The following STXBP4 variants were observed in gnomAD, a reference collection of about 807,000 sequenced individuals.
STXBP4 encodes syntaxin binding protein 4.
STXBP4 carries 55 observed loss-of-function variants against 76.1 expected under a neutral mutation model. The observed-to-expected ratio is 0.72, with a 90% CI of 0.58 to 0.91. The LOEUF is 0.91. Ranked by LOEUF, STXBP4 falls within the 40% of genes least tolerant of loss-of-function variation. STXBP4 has a pLI of 0.00. For missense variants in STXBP4, 618 were observed against 636.9 expected (o/e 0.97, Z 0.32); for synonymous variants, 201 against 220.2 (o/e 0.91, Z 0.77).
chr17:55,107,637 C>G (rs918928217), intron 16 of STXBP4, among the ~76,000 whole-genome samples: 1 of 152,174 alleles, frequency 6.6e-6, no homozygotes, highest in Non-Finnish European at 1.5e-5. Context: ...TGATGCTATT[C>G]CTTTCTGTTC....
At position 55,060,654 on chromosome 17, in the gene STXBP4, T is replaced by C. The variant is rs555601196; in HGVS notation, c.1012-12246T>C. ...TACCTACTCACTGTTTTGAAAAGAA[T>C]TGGCTGTACTGTTCTCTAAAACTCA... On this transcript the variant is annotated intron_variant, in intron 12 of 17. Coordinates refer to ENST00000376352, the MANE Select transcript of STXBP4 (RefSeq NM_178509.6). Among the ~76,000 whole-genome samples the C allele has an allele frequency of 4.6e-5, 7 of 152,314 alleles. No individual in the cohort carries two copies. In the East Asian group the frequency reaches 1.3e-3, roughly 29 times the overall value.
intron 16 of STXBP4, among the ~76,000 whole-genome samples, chr17:55,124,158 T>C (rs1275659957): frequency 6.6e-6 from 1 of 152,002 alleles, no homozygotes; most frequent in Non-Finnish European, 1.5e-5. Flanking sequence ...TGAGAAGAAA[T>C]AGGAAAACAG....
chr17:55,035,262 T>A lies in STXBP4; in HGVS notation c.855+1003T>A, dbSNP rs2144700357. Among the ~76,000 whole-genome samples the A allele has an allele frequency of 3.3e-5, 5 of 152,042 alleles. 1 individual carries two copies. Among genetic ancestry groups the A allele is most frequent in the Admixed American group, 3.3e-4 (5 of 15,262 alleles). ...TTTGGTTTCCAGTGATTAAAATAATTGGATATATAAATACATATATTTTTA... is the reference window on the plus strand; with the variant it reads ...TTTGGTTTCCAGTGATTAAAATAATAGGATATATAAATACATATATTTTTA... On this transcript the variant is annotated intron_variant, in intron 10 of 17. Coordinates refer to ENST00000376352, the MANE Select transcript of STXBP4 (RefSeq NM_178509.6).
At chr17:55,059,003 G>C (rs1334306896) in intron 12 of STXBP4, among the ~76,000 whole-genome samples, 2 of 151,654 alleles carry the variant, frequency 1.3e-5, no homozygotes, top group Non-Finnish European at 2.9e-5. Context: ...CACACTTTTT[G>C]CAAATTGCAA....
intron 16 of STXBP4, among the ~76,000 whole-genome samples, chr17:55,119,020 T>C (rs1016767652): frequency 2.6e-5 from 4 of 151,236 alleles, no homozygotes; most frequent in East Asian, 3.9e-4. Context: ...GTTTGTTACA[T>C]ACGTATACAT....
At chr17:55,186,239 T>C in the STXBP4 span, among the ~76,000 whole-genome samples, 1 of 152,180 alleles carries the variant, frequency 6.6e-6, no homozygotes, top group Non-Finnish European at 1.5e-5. Context: ...GATCTCGCTC[T>C]CTCACCCATC....
At chr17:55,013,000 A>G (rs2078141274) in intron 8 of STXBP4, among the ~76,000 whole-genome samples, 1 of 152,200 alleles carries the variant, frequency 6.6e-6, no homozygotes, top group Non-Finnish European at 1.5e-5. Context: ...TATTTAAGTA[A>G]ACGGTTGTCT....
chr17:55,022,250 T>C (rs991926172), intron 8 of STXBP4, among the ~76,000 whole-genome samples: 5 of 152,150 alleles, frequency 3.3e-5, no homozygotes, highest in Non-Finnish European at 7.4e-5. Flanking sequence ...TGAATTTCTC[T>C]AATCATGAAA....
intron 16 of STXBP4, among the ~76,000 whole-genome samples, chr17:55,096,120 A>G (rs2079482865): frequency 6.6e-6 from 1 of 152,016 alleles, no homozygotes; most frequent in Non-Finnish European, 1.5e-5. Context: ...TTTGCTCTGT[A>G]ACTATAGGTT....
At chr17:55,194,315 A>C in the STXBP4 span, among the ~76,000 whole-genome samples, 1 of 152,164 alleles carries the variant, frequency 6.6e-6, no homozygotes, top group African/African-American at 2.4e-5. Flanking sequence ...AACATTTTTA[A>C]AATAGTAGGC....
In STXBP4 at chr17:55,031,282, G is replaced by A; in HGVS notation, c.763+18G>A. On this transcript the variant is annotated intron_variant, in intron 9 of 17. Transcript: ENST00000376352. ...TTTTGGAGGTAATATTAGGTTTATT[G>A]TGTTGTATTATCACTGAATCATCAT... 1 of 1,552,704 alleles carries A rather than the reference G, an allele frequency of 6.4e-7. No individual in the cohort carries two copies.
At chr17:55,035,038 C>G (rs926927611) in intron 10 of STXBP4, among the ~76,000 whole-genome samples, 3 of 151,882 alleles carry the variant, frequency 2.0e-5, no homozygotes, top group Non-Finnish European at 4.4e-5. Flanking sequence ...GGCAAACCAC[C>G]TGTTTTTGTT....
At chr17:55,020,693 C>T (rs902427669) in intron 8 of STXBP4, among the ~76,000 whole-genome samples, 4 of 152,226 alleles carry the variant, frequency 2.6e-5, no homozygotes, top group East Asian at 3.9e-4. Flanking sequence ...TGGCATGCAC[C>T]TGTAATCCCA....
intron 2 of STXBP4, 116 bp from the exon 3 acceptor site, chr17:54,986,026 A>G (rs1309216134): frequency 3.4e-6 from 2 of 588,248 alleles, no homozygotes; most frequent in East Asian, 3.0e-5. Flanking sequence ...TCTAACATCT[A>G]TATACAGGCT....
At chr17:55,137,475 A>G (rs1015074379) in intron 16 of STXBP4, among the ~76,000 whole-genome samples, 2 of 152,112 alleles carry the variant, frequency 1.3e-5, no homozygotes, top group Non-Finnish European at 1.5e-5. Context: ...TGTTTTTACA[A>G]TGAACAGTCT....
At chr17:55,139,137 T>TAA (rs1472533802) in intron 16 of STXBP4, among the ~76,000 whole-genome samples, 1 of 152,168 alleles carries the variant, frequency 6.6e-6, no homozygotes, top group African/African-American at 2.4e-5. Flanking sequence ...AATTAGTACC[T>TAA]TTATAAGTCT....
At position 55,064,510 on chromosome 17, in the gene STXBP4, T is replaced by C. The variant is rs549385726; in HGVS notation, c.1012-8390T>C. 2.8e-4 allele frequency among the ~76,000 whole-genome samples: 43 copies of C among 152,310 alleles called. 1 individual carries two copies. Among genetic ancestry groups the C allele is most frequent in the Middle Eastern group, 6.8e-3 (2 of 294 alleles). On this transcript the variant is annotated intron_variant, in intron 12 of 17. Coordinates refer to ENST00000376352, the MANE Select transcript of STXBP4 (RefSeq NM_178509.6). ...CTACAAATTGCCTTTCTAATGTTTG[T>C]TTGAGATGGAGTCTTGCTCTGTCGC... is the stretch of plus-strand genomic sequence containing the variant.
chr17:55,035,343 T>A (rs533541461), intron 10 of STXBP4, among the ~76,000 whole-genome samples: 32 of 151,952 alleles, frequency 2.1e-4, no homozygotes, highest in Non-Finnish European at 1.5e-5. Flanking sequence ...ATATAAATAC[T>A]ACAGTATTTT....
intron 1 of STXBP4, among the ~76,000 whole-genome samples, chr17:54,977,629 T>C (rs1400443928): frequency 1.3e-5 from 2 of 152,224 alleles, no homozygotes; most frequent in African/African-American, 4.8e-5. Context: ...CCTGAAACTT[T>C]CATGTCATTT....
Sources: allele counts gnomAD v4.1 joint callset (sites outside exome capture counted in the v4.1 genomes callset), GRCh38; gene constraint gnomAD v4.1.1; transcripts MANE v1.5; gene names NCBI Gene and HGNC (gene_info 2026-07-23, HGNC 2026-07-21).